ATR: variants seen among roughly 807,000 people sequenced by gnomAD.
The protein encoded by ATR is ATR checkpoint kinase.
ATR carries 142 observed loss-of-function variants against 305.3 expected under a neutral mutation model. The observed-to-expected ratio is 0.47, with a 90% CI of 0.41 to 0.53. The LOEUF is 0.53. ATR is among the 20% of genes least tolerant of loss of function. The probability of loss-of-function intolerance (pLI) is 0.00; values close to 1 mark genes in which losing one functional copy is unlikely to be tolerated. For missense variants in ATR, 2,135 were observed against 3,133.1 expected (o/e 0.68, Z 7.60); for synonymous variants, 1,050 against 1,068.1 (o/e 0.98, Z 0.33).
chr3:142,507,955 A>G lies in ATR; in HGVS notation c.5007T>C (p.Ile1669=), dbSNP rs2108361083. 45 of 1,611,914 alleles carry G rather than the reference A, an allele frequency of 2.8e-5. No homozygotes were observed. The highest frequency in any genetic ancestry group is 3.7e-5 in the Non-Finnish European group (44 of 1,178,054). The change falls in exon 28 of 47, where the codon ATT becomes ATC. Residue 1669 remains isoleucine (I), a synonymous_variant. Transcript: ENST00000350721. ...ESFITEKKQN[I]QEHLGFLQKL... Reference sequence around the variant, plus strand: ...CCTGTAAAAATCCAAGATGTTCCTGAATATTTTGCTTCTTTTCTGTAATAA... The same window carrying G: ...CCTGTAAAAATCCAAGATGTTCCTGGATATTTTGCTTCTTTTCTGTAATAA...
At chr3:142,568,543 A>G (rs759552397) in intron 1 of ATR, among the ~76,000 whole-genome samples, 10 of 152,174 alleles carry the variant, frequency 6.6e-5, no homozygotes, top group African/African-American at 9.7e-5. Context: ...AGTGGGCAGA[A>G]GCCCCGCCCC....
At chr3:142,577,227 C>T (rs1175877504) in intron 1 of ATR, among the ~76,000 whole-genome samples, 1 of 152,154 alleles carries the variant, frequency 6.6e-6, no homozygotes. Context: ...TGAAAGGTAA[C>T]ATAAACTCTA....
chr3:142,460,995 G>A (rs2071012312), intron 42 of ATR, among the ~76,000 whole-genome samples: 1 of 152,078 alleles, frequency 6.6e-6, no homozygotes, highest in Non-Finnish European at 1.5e-5. Flanking sequence ...AGCACACTTT[G>A]TTTAGGGGTC....
chr3:142,564,668 T>C (rs986192130), intron 3 of ATR, among the ~76,000 whole-genome samples: 2 of 152,238 alleles, frequency 1.3e-5, no homozygotes, highest in African/African-American at 4.8e-5. Context: ...ACCCAGTACA[T>C]ATACATGCAT....
rs757089964 is a variant in ATR, at chr3:142,522,851, A to G, written c.4153-10T>C. The G allele has an allele frequency of 1.1e-6, 1 of 881,538 alleles. No homozygotes were observed. Among genetic ancestry groups the G allele is most frequent in the Non-Finnish European group, 1.6e-6 (1 of 625,292 alleles). 54.6% of individuals were successfully genotyped at this position (881,538 alleles called of 1,614,324 possible). ...AATCTTCTACTCCAGTCTCAATCAG[A>G]AAAAAAAAAAAGAAAATTCCAGGAT... On this transcript the variant is annotated splice_polypyrimidine_tract_variant and intron_variant, in intron 22 of 46. Transcript: ENST00000350721.
intron 35 of ATR, among the ~76,000 whole-genome samples, chr3:142,491,976 G>A (rs1487017808): frequency 2.0e-5 from 3 of 151,930 alleles, no homozygotes; most frequent in Admixed American, 1.3e-4. Flanking sequence ...AAATATTCCT[G>A]CTTCTTCATT....
At chr3:142,452,827 G>A (rs1559902119) in intron 46 of ATR, 3 of 1,220,674 alleles carry the variant, frequency 2.5e-6, no homozygotes, top group Non-Finnish European at 3.1e-6. Flanking sequence ...CTGTTGTTCT[G>A]TAAGTTCAGG....
At chr3:142,549,722 A>G in intron 14 of ATR, 49 bp from the exon 15 acceptor site, 1 of 1,553,338 alleles carries the variant, frequency 6.4e-7, no homozygotes, top group Non-Finnish European at 8.9e-7. Flanking sequence ...TCTGGGTGAA[A>G]AAAATATTCA....
rs553367747 is a variant in ATR, at chr3:142,560,741, T to C, written c.1350-287A>G. ...ACGCTTGGCTAATTTTTTGTATTTT[T>C]AGTAGAGACAGGGTTTCACCGTGTT... On this transcript the variant is annotated intron_variant, in intron 5 of 46. Coordinates refer to ENST00000350721, the MANE Select transcript of ATR (RefSeq NM_001184.4). 3.8e-4 allele frequency among the ~76,000 whole-genome samples: 58 copies of C among 152,216 alleles called. 2 individuals are homozygous for C. The South Asian group carries it at 0.012, about 30-fold the overall frequency.
At chr3:142,566,648 A>AAAAAAAAG (rs2035083866) in intron 2 of ATR, among the ~76,000 whole-genome samples, 1 of 14,196 alleles carries the variant, frequency 7.0e-5, no homozygotes, top group Admixed American at 1.1e-3. Context: ...AAAAACAAAA[A>AAAAAAAAG]GTGGGGTGGG....
chr3:142,503,383 A>G lies in ATR; in HGVS notation c.5267T>C (p.Val1756Ala). 6.2e-7 allele frequency: 1 copy of G among 1,607,056 alleles called. No homozygotes were observed. The change falls in exon 30 of 47, where the codon GTG becomes GCG. Residue 1756 changes from valine (V) to alanine (A), a missense_variant. Coordinates refer to ENST00000350721, the MANE Select transcript of ATR (RefSeq NM_001184.4). ...LGQLSTVITQ[V>A]NGVHANRSEW... ...TTACCTGTTAGCATGCACTCCATTC[A>G]CCTGAGTGATAACAGTAGACAGCTG... is the stretch of plus-strand genomic sequence containing the variant.
chr3:142,497,573 T>TAATAAATAAATA lies in ATR; in HGVS notation c.5559-393_5559-382dup, dbSNP rs35792072. On this transcript the variant is annotated intron_variant, in intron 32 of 46. Coordinates refer to ENST00000350721, the MANE Select transcript of ATR (RefSeq NM_001184.4). ...CATAGCAAGACCCCGTCCCTTAAAATAATAAATAAATAAATAAATAAATAA... is the reference window on the plus strand; with the variant it reads ...CATAGCAAGACCCCGTCCCTTAAAATAATAAATAAATAAATAAATAAATAAATAAATAAATAA... Among the ~76,000 whole-genome samples the TAATAAATAAATA allele has an allele frequency of 2.6e-4, 39 of 149,038 alleles. 1 individual carries two copies. Among genetic ancestry groups the TAATAAATAAATA allele is most frequent in the East Asian group, 9.8e-4 (5 of 5,094 alleles).
intron 21 of ATR, among the ~76,000 whole-genome samples, chr3:142,533,569 G>T (rs947766365): frequency 2.0e-5 from 3 of 152,084 alleles, no homozygotes; most frequent in African/African-American, 7.2e-5. Flanking sequence ...GGTGTTTTGG[G>T]CCAGTGCCTG....
intron 36 of ATR, among the ~76,000 whole-genome samples, 180 bp downstream of exon 36, chr3:142,484,960 G>C (rs2030815617): frequency 6.6e-6 from 1 of 152,148 alleles, no homozygotes; most frequent in Non-Finnish European, 1.5e-5. Context: ...CATTTAAAAA[G>C]TTTTTAAAGT....
intron 30 of ATR, among the ~76,000 whole-genome samples, chr3:142,501,335 A>C (rs186803979): frequency 6.6e-6 from 1 of 152,320 alleles, no homozygotes; most frequent in Non-Finnish European, 1.5e-5. Context: ...TCTCTCAACT[A>C]ATCTGGAGAA....
chr3:142,481,306 T>C (rs1302850671), intron 36 of ATR, among the ~76,000 whole-genome samples: 1 of 152,270 alleles, frequency 6.6e-6, no homozygotes, highest in Non-Finnish European at 1.5e-5. Flanking sequence ...TGAGATGAGA[T>C]GATCATATGG....
At chr3:142,538,775 T>C (rs1402040176) in intron 18 of ATR, 150 bp from the exon 19 acceptor site, 1 of 1,051,094 alleles carries the variant, frequency 9.5e-7, no homozygotes, top group Non-Finnish European at 1.4e-6. Context: ...GTGCTATATA[T>C]TCAAATAAAG....
At chr3:142,512,167 G>C (rs1417500935) in intron 27 of ATR, 93 bp downstream of exon 27, 1 of 1,113,658 alleles carries the variant, frequency 9.0e-7, no homozygotes, top group Non-Finnish European at 1.3e-6. Context: ...TATTTTTTAA[G>C]CTAGTGCTTA....
intron 29 of ATR, among the ~76,000 whole-genome samples, chr3:142,504,393 C>T (rs2032132174): frequency 6.6e-6 from 1 of 151,918 alleles, no homozygotes; most frequent in South Asian, 2.1e-4. Context: ...CATTTTAATA[C>T]AGATATACTC....
Sources: gnomAD v4.1 joint callset for allele counts (sites outside exome capture counted in the v4.1 genomes callset) on GRCh38, gnomAD v4.1.1 for gene constraint, MANE v1.5 for transcripts, NCBI Gene and HGNC (gene_info 2026-07-23, HGNC 2026-07-21) for gene names.